SPECC1: variants seen among roughly 807,000 people sequenced by gnomAD.
The protein encoded by SPECC1 is sperm antigen with calponin homology and coiled-coil domains 1.
SPECC1 carries 62 observed loss-of-function variants against 104.1 expected under a neutral mutation model. That is an observed-to-expected ratio of 0.60 (90% CI 0.49 to 0.74). The LOEUF (loss-of-function observed/expected upper bound fraction) is 0.74. SPECC1 is among the 30% of genes least tolerant of loss of function. The pLI is 0.00. For missense variants in SPECC1, 1,306 were observed against 1,310.5 expected (o/e 1.00, Z 0.05); for synonymous variants, 513 against 501.6 (o/e 1.02, Z -0.30).
At chr17:20,227,326 C>A in intron 4 of SPECC1, 87 bp from the exon 5 acceptor site, 1 of 1,121,430 alleles carries the variant, frequency 8.9e-7, no homozygotes, top group Non-Finnish European at 1.3e-6. Context: ...TATATTGCAT[C>A]ATGGTGGGGC....
At chr17:20,035,420 G>A (rs1296156178) in intron 1 of SPECC1, among the ~76,000 whole-genome samples, 55 of 152,036 alleles carry the variant, frequency 3.6e-4, no homozygotes, top group Non-Finnish European at 6.8e-4. Flanking sequence ...TATAAGCATG[G>A]TATATTTCAC....
intron 3 of SPECC1, chr17:20,112,462 C>T: frequency 1.3e-6 from 1 of 765,660 alleles, no homozygotes; most frequent in Non-Finnish European, 2.4e-6. Context: ...CAACTTCAAT[C>T]AAGTCAGAAC....
chr17:20,189,614 G>A (rs1307441591), intron 3 of SPECC1, among the ~76,000 whole-genome samples: 1 of 152,156 alleles, frequency 6.6e-6, no homozygotes, highest in African/African-American at 2.4e-5. Flanking sequence ...TCCTGACACA[G>A]AGCGGTCACT....
chr17:20,222,523 CTTA>C (rs1376141579), intron 4 of SPECC1, among the ~76,000 whole-genome samples: 2 of 152,080 alleles, frequency 1.3e-5, no homozygotes, highest in African/African-American at 4.8e-5. Flanking sequence ...GATTTTCTGT[CTTA>C]TTAACTTTTT....
At chr17:20,200,405 A>G (rs1385147300) in intron 3 of SPECC1, among the ~76,000 whole-genome samples, 3 of 152,212 alleles carry the variant, frequency 2.0e-5, no homozygotes, top group African/African-American at 7.2e-5. Context: ...GTTAATCTTC[A>G]TAATTATGAG....
At chr17:20,252,786 G>C (rs562682304) in intron 9 of SPECC1, among the ~76,000 whole-genome samples, 1 of 152,296 alleles carries the variant, frequency 6.6e-6, no homozygotes, top group East Asian at 1.9e-4. Flanking sequence ...CACTGGGGTT[G>C]CTTCCACGTC....
chr17:20,033,732 C>G (rs2044926694), intron 1 of SPECC1, among the ~76,000 whole-genome samples: 1 of 152,180 alleles, frequency 6.6e-6, no homozygotes, highest in Non-Finnish European at 1.5e-5. Flanking sequence ...TATGCCACCC[C>G]CATGACTCAG....
intron 3 of SPECC1, among the ~76,000 whole-genome samples, chr17:20,148,344 G>A (rs2031657153): frequency 6.6e-6 from 1 of 151,614 alleles, no homozygotes; most frequent in Non-Finnish European, 1.5e-5. Context: ...GGCTCAAGTG[G>A]TTCTCCCACC....
chr17:20,297,538 T>C (rs2041395174), intron 13 of SPECC1, among the ~76,000 whole-genome samples: 1 of 152,322 alleles, frequency 6.6e-6, no homozygotes, highest in African/African-American at 2.4e-5. Flanking sequence ...TTTACTACAA[T>C]CACACAACAA....
At chr17:20,260,959 A>G (rs1324809456) in intron 12 of SPECC1, among the ~76,000 whole-genome samples, 1 of 152,134 alleles carries the variant, frequency 6.6e-6, no homozygotes, top group Non-Finnish European at 1.5e-5. Context: ...AGATGAGGAC[A>G]TTTGCAACTT....
rs542446688 is a variant in SPECC1 at position 20,230,728 on chromosome 17, G to A, written c.2072-1030G>A. ...CTTTTAAACTTTTTAAAAGGATATT[G>A]AGGTATTGTTAAGATATGTTTTTGC... On this transcript the variant is annotated intron_variant, in intron 5 of 14. Coordinates refer to ENST00000395527, the MANE Select transcript of SPECC1 (RefSeq NM_001243439.2). Among the ~76,000 whole-genome samples, 12 of 152,290 alleles carry A rather than the reference G, an allele frequency of 7.9e-5. No individual in the cohort carries two copies. The South Asian group carries it at 2.5e-3, about 32-fold the overall frequency.
Position 20,257,645 on chromosome 17 carries a change from C to T in SPECC1, c.2837+38C>T, listed in dbSNP as rs557668080. The stretch of plus-strand genomic sequence containing the variant: ...AAACAATAAGAAATCAGAAAAACAT[C>T]GGGCTAATCACCTTTTATTCTTCCT... On this transcript the variant is annotated intron_variant, in intron 11 of 14. Coordinates refer to ENST00000395527, the MANE Select transcript of SPECC1 (RefSeq NM_001243439.2). 2.3e-5 allele frequency: 37 copies of T among 1,605,792 alleles called. No homozygotes were observed. In the South Asian group the frequency reaches 2.8e-4, roughly 12 times the overall value.
chr17:20,170,479 A>G (rs1377646240), intron 3 of SPECC1, among the ~76,000 whole-genome samples: 3 of 152,106 alleles, frequency 2.0e-5, no homozygotes, highest in Admixed American at 6.5e-5. Flanking sequence ...TCCTCACCCC[A>G]CACCACTACA....
At chr17:20,106,894 C>T (rs964760352) in intron 2 of SPECC1, among the ~76,000 whole-genome samples, 6 of 152,004 alleles carry the variant, frequency 3.9e-5, no homozygotes, top group Admixed American at 1.3e-4. Flanking sequence ...TGGTGGCCCA[C>T]GCCTGTAATC....
intron 3 of SPECC1, among the ~76,000 whole-genome samples, chr17:20,139,262 C>G (rs2030438363): frequency 6.6e-6 from 1 of 152,214 alleles, no homozygotes; most frequent in Admixed American, 6.5e-5. Flanking sequence ...GATTCCCAAA[C>G]CTGCATCTCG....
intron 3 of SPECC1, among the ~76,000 whole-genome samples, chr17:20,184,745 A>G (rs1435010318): frequency 1.3e-5 from 2 of 152,240 alleles, no homozygotes; most frequent in Non-Finnish European, 2.9e-5. Flanking sequence ...GGCCGGCTTT[A>G]TTATTTTTAA....
intron 1 of SPECC1, among the ~76,000 whole-genome samples, chr17:20,022,162 C>G (rs1171046337): frequency 6.9e-6 from 1 of 145,642 alleles, no homozygotes. Flanking sequence ...AGGATGGTCT[C>G]GATCTCCTGA....
rs117996159 is a variant in SPECC1, at chr17:20,315,195, G to C, written c.*1130G>C. ...TGACAGCAAATCCCAACAGTATTTC[G>C]GCTCTGGACTGATTTGGCCTTTAGT... is the stretch of plus-strand genomic sequence containing the variant. On this transcript the variant is annotated 3_prime_UTR_variant, in exon 15 of 15. Transcript: ENST00000395527. 4 of 232,800 alleles carry C rather than the reference G, an allele frequency of 1.7e-5. No homozygotes were observed. The highest frequency in any genetic ancestry group is 3.4e-5 in the Non-Finnish European group (4 of 117,790). The allele number at this position is 232,800 out of a possible 1,614,324, so 14.4% of individuals were successfully genotyped here.
intron 1 of SPECC1, among the ~76,000 whole-genome samples, chr17:20,053,021 G>C (rs778294384): frequency 2.0e-5 from 3 of 152,108 alleles, no homozygotes; most frequent in Non-Finnish European, 4.4e-5. Context: ...TTGGCCCCAA[G>C]TCAATGGGTA....
Sources: gnomAD v4.1 joint callset for allele counts (sites outside exome capture counted in the v4.1 genomes callset) on GRCh38, gnomAD v4.1.1 for gene constraint, MANE v1.5 for transcripts, NCBI Gene and HGNC (gene_info 2026-07-23, HGNC 2026-07-21) for gene names.